Variants in TBC1D12 observed in about 807,000 individuals in gnomAD.
The protein encoded by TBC1D12 is TBC1 domain family member 12, also known as TBC1 domain family, member 12.
Under a neutral mutation model 86.7 loss-of-function variants are expected in TBC1D12, and 56 were observed. The ratio of observed to expected loss-of-function variants is 0.65; its 90% CI spans 0.52 to 0.81. TBC1D12 has a LOEUF of 0.81. Among genes scored for constraint, TBC1D12 ranks in the 30% least tolerant of loss-of-function variants. The pLI, the probability that TBC1D12 is intolerant of heterozygous loss-of-function variation, is 0.00. For missense variants in TBC1D12, 1,023 were observed against 1,038.8 expected (o/e 0.98, Z 0.21); for synonymous variants, 421 against 411.7 (o/e 1.02, Z -0.27).
intron 1 of TBC1D12, among the ~76,000 whole-genome samples, chr10:94,432,585 A>T (rs1308233347): frequency 6.6e-6 from 1 of 152,184 alleles, no homozygotes; most frequent in Admixed American, 6.5e-5. Flanking sequence ...CTTTCTTAGC[A>T]ACTGGATACC....
intron 1 of TBC1D12, among the ~76,000 whole-genome samples, chr10:94,437,466 A>G (rs2055319055): frequency 1.3e-5 from 2 of 152,048 alleles, no homozygotes; most frequent in Non-Finnish European, 2.9e-5. Context: ...AGCTGAGACT[A>G]CAGGCGCCCG....
At position 94,405,363 on chromosome 10, in the gene TBC1D12, T is replaced by C. The variant is rs1194496938; in HGVS notation, c.971+1779T>C. Among the ~76,000 whole-genome samples, 5 of 152,306 alleles carry C rather than the reference T, an allele frequency of 3.3e-5. No homozygotes were observed. In the South Asian group the frequency reaches 1.0e-3, roughly 32 times the overall value. On this transcript the variant is annotated intron_variant, in intron 1 of 12. Coordinates refer to ENST00000225235, the MANE Select transcript of TBC1D12 (RefSeq NM_015188.2). The stretch of plus-strand genomic sequence containing the variant: ...ATTCCTCTTTCTAGTTTATCCTTAT[T>C]TTTTTGCTTGTATAAATTTACAAAT...
At chr10:94,409,433 G>A (rs989070568) in intron 1 of TBC1D12, among the ~76,000 whole-genome samples, 3 of 145,928 alleles carry the variant, frequency 2.1e-5, no homozygotes, top group Non-Finnish European at 4.5e-5. Flanking sequence ...CTTGGAATGC[G>A]GTGGCACGGC....
At chr10:94,411,767 A>G (rs538826845) in intron 1 of TBC1D12, among the ~76,000 whole-genome samples, 15 of 152,224 alleles carry the variant, frequency 9.9e-5, no homozygotes, top group African/African-American at 3.6e-4. Context: ...AAGGCTGCCT[A>G]GGCAACATAG....
At chr10:94,465,768 G>A (rs7393239) in intron 2 of TBC1D12, among the ~76,000 whole-genome samples, 20 of 148,364 alleles carry the variant, frequency 1.3e-4, no homozygotes, top group South Asian at 1.1e-3. Flanking sequence ...ACATACATAC[G>A]TATACGCATA....
At chr10:94,468,776 A>G (rs1028684297) in intron 2 of TBC1D12, among the ~76,000 whole-genome samples, 1 of 152,058 alleles carries the variant, frequency 6.6e-6, no homozygotes, top group African/African-American at 2.4e-5. Flanking sequence ...TCGTACCAAC[A>G]CTCCAATTAC....
chr10:94,453,615 A>T (rs1290558129), intron 2 of TBC1D12, among the ~76,000 whole-genome samples: 1 of 152,158 alleles, frequency 6.6e-6, no homozygotes, highest in Admixed American at 6.5e-5. Context: ...TCCCAAGGAT[A>T]AGGGGGGACT....
chr10:94,460,754 T>C (rs1000929260), intron 2 of TBC1D12, among the ~76,000 whole-genome samples: 4 of 152,048 alleles, frequency 2.6e-5, no homozygotes, highest in African/African-American at 9.7e-5. Context: ...CCAGTGTTCT[T>C]GGATATTCTG....
intron 2 of TBC1D12, among the ~76,000 whole-genome samples, chr10:94,451,847 T>G (rs1172924787): frequency 6.6e-6 from 1 of 152,000 alleles, no homozygotes; most frequent in African/African-American, 2.4e-5. Context: ...GATGAATGTT[T>G]CTTGGGCATT....
At chr10:94,495,822 G>A (rs561691785) in intron 4 of TBC1D12, among the ~76,000 whole-genome samples, 1 of 151,956 alleles carries the variant, frequency 6.6e-6, no homozygotes, top group African/African-American at 2.4e-5. Context: ...AGAGATTGTC[G>A]GCCAGATGCG....
chr10:94,512,702 G>A (rs2056540908), intron 9 of TBC1D12, among the ~76,000 whole-genome samples: 1 of 152,192 alleles, frequency 6.6e-6, no homozygotes, highest in African/African-American at 2.4e-5. Context: ...AAGGGGGAAA[G>A]TGCTAGATTT....
chr10:94,460,584 T>A (rs1383506874), intron 2 of TBC1D12, among the ~76,000 whole-genome samples: 2 of 151,860 alleles, frequency 1.3e-5, no homozygotes, highest in Admixed American at 6.6e-5. Flanking sequence ...TTTTTTTTTT[T>A]AATGTTTATC....
At chr10:94,427,833 CAAAAAAAAAA>C (rs71031576) in intron 1 of TBC1D12, among the ~76,000 whole-genome samples, 2 of 67,048 alleles carry the variant, frequency 3.0e-5, no homozygotes, top group African/African-American at 5.9e-5. Flanking sequence ...CCCTGTCTCA[CAAAAAAAAAA>C]AAAAAAAAAA....
At chr10:94,490,556 T>G (rs1317232615) in intron 3 of TBC1D12, among the ~76,000 whole-genome samples, 3 of 152,234 alleles carry the variant, frequency 2.0e-5, no homozygotes. Context: ...ATGCATTATA[T>G]TTTTCTGCTT....
At chr10:94,424,470 A>G (rs2055121403) in intron 1 of TBC1D12, among the ~76,000 whole-genome samples, 1 of 152,118 alleles carries the variant, frequency 6.6e-6, no homozygotes, top group South Asian at 2.1e-4. Flanking sequence ...CCCCTCGTTC[A>G]TTCAGTAAGC....
chr10:94,454,847 C>A (rs1270119029), intron 2 of TBC1D12, among the ~76,000 whole-genome samples: 1 of 152,158 alleles, frequency 6.6e-6, no homozygotes, highest in Non-Finnish European at 1.5e-5. Context: ...AATTTTATTT[C>A]TTCTTTCCCA....
intron 2 of TBC1D12, among the ~76,000 whole-genome samples, chr10:94,454,807 T>C (rs945148864): frequency 6.6e-6 from 1 of 152,246 alleles, no homozygotes; most frequent in African/African-American, 2.4e-5. Flanking sequence ...ACTTTCTCCA[T>C]AGACAATCAT....
chr10:94,505,100 GC>G (rs2056443524), intron 6 of TBC1D12, among the ~76,000 whole-genome samples: 1 of 151,976 alleles, frequency 6.6e-6, no homozygotes, highest in Admixed American at 6.6e-5. Flanking sequence ...TGTCTGGTGA[GC>G]CCCCTTTTTT....
intron 2 of TBC1D12, among the ~76,000 whole-genome samples, chr10:94,445,752 C>T (rs931830923): frequency 2.0e-5 from 3 of 151,810 alleles, no homozygotes; most frequent in African/African-American, 7.3e-5. Context: ...GTTCGAGACC[C>T]GTCTGGCCAA....
Sources: gnomAD v4.1 joint callset for allele counts (sites outside exome capture counted in the v4.1 genomes callset) on GRCh38, gnomAD v4.1.1 for gene constraint, MANE v1.5 for transcripts, NCBI Gene and HGNC (gene_info 2026-07-23, HGNC 2026-07-21) for gene names.